TENM3: variants seen among roughly 807,000 people sequenced by gnomAD.
TENM3 encodes teneurin-3.
TENM3 carries 63 observed loss-of-function variants against 255.1 expected under a neutral mutation model. The ratio of observed to expected loss-of-function variants is 0.25; its 90% confidence interval spans 0.20 to 0.30. TENM3 has a LOEUF of 0.30. Among genes scored for constraint, TENM3 ranks in the 10% least tolerant of loss-of-function variants. The pLI is 1.00. For missense variants in TENM3, 2,929 were observed against 3,461.1 expected (o/e 0.85, Z 3.86); for synonymous variants, 1,306 against 1,322.3 (o/e 0.99, Z 0.27).
At chr4:181,658,198 A>G in the TENM3 span, among the ~76,000 whole-genome samples, 1 of 152,206 alleles carries the variant, frequency 6.6e-6, no homozygotes, top group Non-Finnish European at 1.5e-5. Flanking sequence ...CACTAGAAAA[A>G]AAGAATGTTG....
At chr4:182,083,547 G>A in the TENM3 span, among the ~76,000 whole-genome samples, 54 of 152,022 alleles carry the variant, frequency 3.6e-4, no homozygotes, top group East Asian at 5.2e-3. Context: ...TAAATGTGCC[G>A]CATTTTAGAC....
intron 1 of TENM3, among the ~76,000 whole-genome samples, chr4:182,309,983 A>G (rs1194521527): frequency 6.6e-6 from 1 of 152,206 alleles, no homozygotes; most frequent in East Asian, 1.9e-4. Flanking sequence ...GTATTGTCAT[A>G]TGCTTTTTGG....
the TENM3 span, among the ~76,000 whole-genome samples, chr4:181,900,350 A>G: frequency 1.3e-5 from 2 of 152,216 alleles, no homozygotes; most frequent in African/African-American, 4.8e-5. Context: ...AAAGTTCACA[A>G]AAACTTAAAG....
chr4:181,712,739 A>G, the TENM3 span, among the ~76,000 whole-genome samples: 1 of 152,218 alleles, frequency 6.6e-6, no homozygotes, highest in African/African-American at 2.4e-5. Flanking sequence ...ATCTTGGCTT[A>G]TCTTTCTCAT....
intron 19 of TENM3, among the ~76,000 whole-genome samples, chr4:182,750,678 A>G (rs1762306927): frequency 6.6e-6 from 1 of 152,176 alleles, no homozygotes; most frequent in Non-Finnish European, 1.5e-5. Context: ...AAATAAATGG[A>G]AACAAGCATG....
intron 1 of TENM3, among the ~76,000 whole-genome samples, chr4:182,193,529 C>T (rs755091690): frequency 3.3e-5 from 5 of 152,134 alleles, no homozygotes; most frequent in East Asian, 1.9e-4. Context: ...CACATTTGAC[C>T]GGAGGCACAT....
chr4:182,386,648 A>T (rs947797564), intron 3 of TENM3, among the ~76,000 whole-genome samples: 1 of 152,116 alleles, frequency 6.6e-6, no homozygotes, highest in African/African-American at 2.4e-5. Context: ...CGGGCCCCGC[A>T]CTCGGAGCTG....
the TENM3 span, among the ~76,000 whole-genome samples, chr4:181,638,898 T>C: frequency 6.6e-6 from 1 of 152,212 alleles, no homozygotes; most frequent in East Asian, 1.9e-4. Context: ...AACTGACATT[T>C]AGTAGTAGCC....
intron 3 of TENM3, among the ~76,000 whole-genome samples, chr4:182,575,783 C>A (rs748450247): frequency 1.1e-4 from 17 of 152,048 alleles, no homozygotes; most frequent in Non-Finnish European, 2.2e-4. Flanking sequence ...GTAAGAAATT[C>A]TTTTTAGATA....
chr4:181,574,350 T>C, the TENM3 span, among the ~76,000 whole-genome samples: 1 of 151,320 alleles, frequency 6.6e-6, no homozygotes, highest in African/African-American at 2.4e-5. Context: ...GCTAACAAGG[T>C]GAAACCCCGT....
At chr4:182,367,658 A>T (rs1444761917) in intron 3 of TENM3, among the ~76,000 whole-genome samples, 1 of 152,196 alleles carries the variant, frequency 6.6e-6, no homozygotes, top group Non-Finnish European at 1.5e-5. Flanking sequence ...AGAGGAAAAA[A>T]GGAAAAGCCA....
chr4:182,100,536 T>TATATATACACACAC, the TENM3 span, among the ~76,000 whole-genome samples: 7 of 121,558 alleles, frequency 5.8e-5, no homozygotes, highest in African/African-American at 2.6e-4. Flanking sequence ...TATACACACA[T>TATATATACACACAC]ATATATATAC....
the TENM3 span, among the ~76,000 whole-genome samples, chr4:181,691,128 T>C: frequency 6.6e-6 from 1 of 152,160 alleles, no homozygotes; most frequent in African/African-American, 2.4e-5. Context: ...ATTATTTTAG[T>C]TTAAATATAC....
chr4:181,989,986 T>C, the TENM3 span, among the ~76,000 whole-genome samples: 21,886 of 152,154 alleles, frequency 0.14, 1,773 homozygotes, highest in African/African-American at 0.2. Context: ...TTATTGTACA[T>C]ATATAAATGA....
chr4:182,030,367 G>A, the TENM3 span, among the ~76,000 whole-genome samples: 1 of 152,104 alleles, frequency 6.6e-6, no homozygotes, highest in African/African-American at 2.4e-5. Context: ...GTTTGCTGAG[G>A]ATAATGGCTT....
chr4:182,252,916 G>A (rs905507096), intron 1 of TENM3, among the ~76,000 whole-genome samples: 3 of 152,118 alleles, frequency 2.0e-5, no homozygotes, highest in African/African-American at 7.2e-5. Flanking sequence ...GTGAAGAATC[G>A]GCCCAAAGTC....
the TENM3 span, among the ~76,000 whole-genome samples, chr4:182,130,313 T>A: frequency 2.0e-5 from 3 of 152,176 alleles, no homozygotes. Context: ...TTAGTGGTAT[T>A]GTCACCAAAA....
chr4:181,756,790 G>C, the TENM3 span, among the ~76,000 whole-genome samples: 1 of 152,192 alleles, frequency 6.6e-6, no homozygotes, highest in Non-Finnish European at 1.5e-5. Flanking sequence ...CCTGTCTAGG[G>C]CATTCCACTA....
the TENM3 span, among the ~76,000 whole-genome samples, chr4:181,598,137 C>G: frequency 6.6e-6 from 1 of 152,158 alleles, no homozygotes; most frequent in Non-Finnish European, 1.5e-5. Flanking sequence ...ACGTGCTAAG[C>G]AATGCAATTT....
Sources: allele counts gnomAD v4.1 joint callset (sites outside exome capture counted in the v4.1 genomes callset), GRCh38; gene constraint gnomAD v4.1.1; transcripts MANE v1.5; gene names NCBI Gene and HGNC (gene_info 2026-07-23, HGNC 2026-07-21).